Variants in VPS53 observed in about 807,000 individuals in gnomAD.
VPS53 encodes VPS53 subunit of GARP complex.
In VPS53, 70 loss-of-function variants were observed where a neutral mutation model predicts 107.0. The ratio of observed to expected loss-of-function variants is 0.65; its 90% CI spans 0.54 to 0.80. VPS53 has a LOEUF of 0.80. Ranked by LOEUF, VPS53 falls within the 30% of genes least tolerant of loss-of-function variation. The probability of loss-of-function intolerance (pLI) is 0.00; values close to 1 mark genes in which losing one functional copy is unlikely to be tolerated. For synonymous variants in VPS53, 409 were observed against 393.3 expected, an observed-to-expected ratio of 1.04 and a Z score of -0.47; for missense variants, 917 against 1,049.4, an observed-to-expected ratio of 0.87 and a Z score of 1.74.
intron 4 of VPS53, among the ~76,000 whole-genome samples, chr17:694,955 T>A (rs1972900600): frequency 6.6e-6 from 1 of 152,190 alleles, no homozygotes; most frequent in Admixed American, 6.5e-5. Context: ...TCCTCCCACC[T>A]AGGCATCCCA....
intron 18 of VPS53, among the ~76,000 whole-genome samples, chr17:536,233 C>T (rs1007617414): frequency 6.6e-6 from 1 of 152,114 alleles, no homozygotes; most frequent in Non-Finnish European, 1.5e-5. Context: ...AGCTCCCTGG[C>T]TTGTGCATCC....
At chr17:633,016 C>A (rs1206706893) in intron 7 of VPS53, among the ~76,000 whole-genome samples, 1 of 152,174 alleles carries the variant, frequency 6.6e-6, no homozygotes, top group Non-Finnish European at 1.5e-5. Context: ...GAAAACGGAA[C>A]TGCAAGGAAA....
In VPS53 at chr17:642,403, C is replaced by A. The variant is rs960934550; in HGVS notation, c.609-10775G>T. ...GAGGAAAACACTCATACTCGGAAAC[C>A]GAGGACAACACTCATACTTGGAAAG... On this transcript the variant is annotated intron_variant, in intron 7 of 21. Transcript: ENST00000437048. Among the ~76,000 whole-genome samples the A allele has an allele frequency of 1.6e-4, 24 of 148,064 alleles. 1 individual carries two copies. The highest frequency in any genetic ancestry group is 1.1e-3 in the Admixed American group (17 of 14,840).
intron 8 of VPS53, 32 bp from the exon 9 acceptor site, chr17:628,263 C>T: frequency 6.2e-7 from 1 of 1,609,962 alleles, no homozygotes; most frequent in Non-Finnish European, 8.5e-7. Flanking sequence ...AGGTGAAAAG[C>T]CAGAAACAAC....
At chr17:541,192 A>G (rs1443195665) in intron 17 of VPS53, among the ~76,000 whole-genome samples, 13 of 151,896 alleles carry the variant, frequency 8.6e-5, no homozygotes, top group Non-Finnish European at 1.9e-4. Context: ...GTACACGCTC[A>G]CTCTCACTCT....
At chr17:599,255 C>T (rs757861912) in intron 12 of VPS53, among the ~76,000 whole-genome samples, 7,980 of 151,392 alleles carry the variant, frequency 0.053, no homozygotes, top group African/African-American at 0.16. Context: ...GAGGTGTACC[C>T]AACAGCTCAT....
chr17:519,041 G>C lies in VPS53; in HGVS notation c.*87C>G. Reference sequence around the variant, plus strand: ...AAGTTTGAAGACCGACGATGTGAGAGTGCCGGGGAGCACAGGAGAGGTTGG... The same window carrying C: ...AAGTTTGAAGACCGACGATGTGAGACTGCCGGGGAGCACAGGAGAGGTTGG... On this transcript the variant is annotated 3_prime_UTR_variant, in exon 22 of 22. Coordinates refer to ENST00000437048, the MANE Select transcript of VPS53 (RefSeq NM_001128159.3). The surrounding 1 kb of genome is among the most constrained non-coding windows in gnomAD (Gnocchi z 5.0). 1 of 1,376,684 alleles carries C rather than the reference G, an allele frequency of 7.3e-7. No individual in the cohort carries two copies. Among genetic ancestry groups the C allele is most frequent in the South Asian group, 1.6e-5 (1 of 64,052 alleles). 85.3% of individuals were successfully genotyped at this position (1,376,684 alleles called of 1,614,324 possible). A position where few individuals can be genotyped will look rare whatever the true frequency, so the allele number is the denominator to read the frequency against.
chr17:569,000 A>G (rs2151861658), intron 13 of VPS53, among the ~76,000 whole-genome samples: 1 of 152,326 alleles, frequency 6.6e-6, no homozygotes, highest in South Asian at 2.1e-4. Context: ...AATGACACCG[A>G]GCAGCAATGA....
intron 13 of VPS53, among the ~76,000 whole-genome samples, chr17:564,576 T>C (rs962428328): frequency 1.4e-5 from 2 of 140,824 alleles, no homozygotes; most frequent in Admixed American, 1.4e-4. Flanking sequence ...CTGGGGGTGG[T>C]GGCGCATGCC....
intron 13 of VPS53, among the ~76,000 whole-genome samples, chr17:572,556 T>C (rs940887252): frequency 6.6e-6 from 1 of 151,896 alleles, no homozygotes; most frequent in African/African-American, 2.4e-5. Flanking sequence ...GAACGGGCCA[T>C]GATGACAATG....
chr17:591,530 C>T (rs1967648611), intron 12 of VPS53, among the ~76,000 whole-genome samples: 1 of 152,004 alleles, frequency 6.6e-6, no homozygotes, highest in African/African-American at 2.4e-5. Flanking sequence ...CTACAAATTT[C>T]CCTCTACACA....
At chr17:622,614 A>G (rs1040806529) in intron 11 of VPS53, among the ~76,000 whole-genome samples, 1 of 152,242 alleles carries the variant, frequency 6.6e-6, no homozygotes, top group African/African-American at 2.4e-5. Flanking sequence ...AAATTACCAT[A>G]GAACAGAGTC....
intron 1 of VPS53, among the ~76,000 whole-genome samples, chr17:713,249 T>C (rs1973708601): frequency 6.6e-6 from 1 of 152,124 alleles, no homozygotes; most frequent in Non-Finnish European, 1.5e-5. Flanking sequence ...ATAATGGAAT[T>C]GTCCATTTCC....
intron 11 of VPS53, among the ~76,000 whole-genome samples, chr17:610,626 G>T (rs530827596): frequency 6.6e-6 from 1 of 151,910 alleles, no homozygotes; most frequent in Non-Finnish European, 1.5e-5. Context: ...ATCTAAAGAA[G>T]TTATAAAGCC....
In VPS53 at chr17:509,112, C is replaced by T. The variant is rs775313790; in HGVS notation, c.*10016G>A. Reference sequence around the variant, plus strand: ...ATCCTGGCTCACCCCTCACTAGTCACATATCAAATCCTGTCTCACCCCTCA... The same window carrying T: ...ATCCTGGCTCACCCCTCACTAGTCATATATCAAATCCTGTCTCACCCCTCA... On this transcript the variant is annotated 3_prime_UTR_variant, in exon 22 of 22. Coordinates refer to ENST00000437048, the MANE Select transcript of VPS53 (RefSeq NM_001128159.3). 4.8e-5 allele frequency: 7 copies of T among 146,076 alleles called. No individual in the cohort carries two copies. The highest frequency in any genetic ancestry group is 2.0e-4 in the African/African-American group (7 of 35,698). 9.0% of individuals were successfully genotyped at this position (146,076 alleles called of 1,614,324 possible).
chr17:706,972 G>A (rs963506299), intron 2 of VPS53, among the ~76,000 whole-genome samples: 1 of 152,132 alleles, frequency 6.6e-6, no homozygotes, highest in African/African-American at 2.4e-5. Context: ...AAACGTGAAT[G>A]TGCTCCAGTC....
intron 9 of VPS53, among the ~76,000 whole-genome samples, chr17:627,846 C>G (rs1244995784): frequency 1.3e-5 from 2 of 152,102 alleles, no homozygotes. Context: ...CTTCAGGGGT[C>G]TATACATTTC....
chr17:632,693 C>T (rs564226914), intron 7 of VPS53: 45 of 456,280 alleles, frequency 9.9e-5, no homozygotes, highest in African/African-American at 8.2e-4. Context: ...TGGGACCCAG[C>T]GTTCTACTCG....
chr17:573,209 G>C (rs1429018508), intron 13 of VPS53, among the ~76,000 whole-genome samples: 1 of 152,194 alleles, frequency 6.6e-6, no homozygotes, highest in Non-Finnish European at 1.5e-5. Context: ...ATGGGGTAAA[G>C]AAAGTGCCTA....
Sources: allele counts gnomAD v4.1 joint callset (sites outside exome capture counted in the v4.1 genomes callset), GRCh38; gene constraint gnomAD v4.1.1; non-coding constraint Gnocchi (gnomAD v3.1); transcripts MANE v1.5; gene names NCBI Gene and HGNC (gene_info 2026-07-23, HGNC 2026-07-21).